Variants in CCDC33 observed in about 807,000 individuals in gnomAD.
CCDC33 encodes coiled-coil domain containing 33.
A neutral mutation model predicts 91.9 loss-of-function variants in CCDC33; 94 were observed. That is an observed-to-expected ratio of 1.02 (90% CI 0.87 to 1.21). CCDC33 has a LOEUF of 1.21. CCDC33 is among the 50% of genes most tolerant of loss of function. The probability of loss-of-function intolerance (pLI) is 0.00; values close to 1 mark genes in which losing one functional copy is unlikely to be tolerated. For synonymous variants in CCDC33, 396 were observed against 374.5 expected, an observed-to-expected ratio of 1.06 and a Z score of -0.66; for missense variants, 940 against 935.5, an observed-to-expected ratio of 1.00 and a Z score of -0.06.
chr15:74,217,628 C>G, intron 1 of CCDC33: 1 of 1,173,488 alleles, frequency 8.5e-7, no homozygotes. Context: ...CCCTGGAACT[C>G]CTGCCTGAGT....
At chr15:74,258,622 A>G (rs2075938833) in intron 2 of CCDC33, among the ~76,000 whole-genome samples, 1 of 152,022 alleles carries the variant, frequency 6.6e-6, no homozygotes, top group Non-Finnish European at 1.5e-5. Flanking sequence ...GTGTGCATGT[A>G]TGTGTGTGTG....
At position 74,228,873 on chromosome 15, in the gene CCDC33, G is replaced by A. The variant is rs74023452; in HGVS notation, c.675+10012G>A. ...ATGGCCTCAAATGAGATTAGGGCCAGAGGCTCTGCTCTCTGGTAGAGATGG... is the reference window on the plus strand; with the variant it reads ...ATGGCCTCAAATGAGATTAGGGCCAAAGGCTCTGCTCTCTGGTAGAGATGG... On this transcript the variant is annotated intron_variant, in intron 2 of 2. Coordinates refer to the CCDC33 transcript ENST00000635913. 2.5e-3 allele frequency among the ~76,000 whole-genome samples: 377 copies of A among 152,326 alleles called. 3 individuals carry two copies. The highest frequency in any genetic ancestry group is 8.8e-3 in the African/African-American group (367 of 41,562).
At chr15:74,260,343 A>C (rs1474285555) in intron 2 of CCDC33, among the ~76,000 whole-genome samples, 2 of 152,140 alleles carry the variant, frequency 1.3e-5, no homozygotes, top group East Asian at 3.9e-4. Context: ...CATTCTGCAG[A>C]GCCTGCAGGG....
At chr15:74,333,249 G>A (rs897577401) in intron 16 of CCDC33, 2 of 1,601,830 alleles carry the variant, frequency 1.2e-6, no homozygotes, top group African/African-American at 1.3e-5. Context: ...GGAGCAGGAG[G>A]AGACTTGACA....
At chr15:74,286,653 A>G (rs1383035736) in intron 10 of CCDC33, among the ~76,000 whole-genome samples, 1 of 151,902 alleles carries the variant, frequency 6.6e-6, no homozygotes, top group Non-Finnish European at 1.5e-5. Context: ...ATACAGCAAC[A>G]TTTCTCCTCT....
chr15:74,314,654 C>T (rs2060056657), intron 11 of CCDC33, among the ~76,000 whole-genome samples: 1 of 152,230 alleles, frequency 6.6e-6, no homozygotes, highest in East Asian at 1.9e-4. Flanking sequence ...GAGCCCTTTC[C>T]TGCAGACAGC....
intron 4 of CCDC33, 116 bp from the exon 5 acceptor site, chr15:74,268,226 G>A (rs954954081): frequency 1.1e-5 from 8 of 743,440 alleles, no homozygotes; most frequent in African/African-American, 8.6e-5. Flanking sequence ...TTATCAGCTC[G>A]GAGCCCCAGC....
chr15:74,204,479 C>T (rs2074210850), intron 1 of CCDC33, among the ~76,000 whole-genome samples: 1 of 152,236 alleles, frequency 6.6e-6, no homozygotes, highest in Non-Finnish European at 1.5e-5. Context: ...GCCAGCAAGC[C>T]CTTCCCTGCT....
chr15:74,330,767 TG>T lies in CCDC33; in HGVS notation c.1545+21del. ...GCTGATTCGAGTGAGCTGGGGCTTG[TG>T]GGGGCAGAGGGGAGGGAGCTATGGT... On this transcript the variant is annotated intron_variant, in intron 13 of 18. Coordinates refer to ENST00000398814, the MANE Select transcript of CCDC33 (RefSeq NM_025055.5). 2 of 1,589,762 alleles carry T rather than the reference TG, an allele frequency of 1.3e-6. No homozygotes were observed. Among genetic ancestry groups the T allele is most frequent in the Non-Finnish European group, 8.6e-7 (1 of 1,167,168 alleles).
intron 2 of CCDC33, among the ~76,000 whole-genome samples, chr15:74,255,550 T>A (rs190541290): frequency 7.9e-5 from 12 of 152,356 alleles, no homozygotes; most frequent in Admixed American, 7.8e-4. Context: ...CCTGTCGACT[T>A]CCCAGCGGTG....
chr15:74,275,109 G>A (rs1054615102), intron 7 of CCDC33, among the ~76,000 whole-genome samples: 3 of 152,148 alleles, frequency 2.0e-5, no homozygotes, highest in East Asian at 3.8e-4. Flanking sequence ...ACTTGAGGGG[G>A]TGGGATTGGA....
intron 7 of CCDC33, among the ~76,000 whole-genome samples, chr15:74,275,074 T>C (rs917665195): frequency 1.1e-4 from 16 of 152,206 alleles, no homozygotes; most frequent in Admixed American, 1.0e-3. Flanking sequence ...CTGTTCCCTT[T>C]GAGCGTCAGT....
In CCDC33 at chr15:74,335,924, G is replaced by A; in HGVS notation, c.2140-1G>A. On this transcript the variant is annotated splice_acceptor_variant, in intron 18 of 18. Coordinates refer to ENST00000398814, the MANE Select transcript of CCDC33 (RefSeq NM_025055.5). LOFTEE classifies it high-confidence loss of function. ...CACGCACCCCGCTTTGCACACCACA[G>A]AGTGCCCTCACCCACTCCATGGACC... 1.2e-6 allele frequency: 2 copies of A among 1,613,314 alleles called. No individual in the cohort carries two copies. The highest frequency in any genetic ancestry group is 1.7e-6 in the Non-Finnish European group (2 of 1,179,656).
intron 10 of CCDC33, among the ~76,000 whole-genome samples, chr15:74,294,387 T>TC (rs2059639568): frequency 6.6e-6 from 1 of 151,366 alleles, no homozygotes; most frequent in South Asian, 2.1e-4. Flanking sequence ...AAGTAACCCT[T>TC]CCCCAAAGGG....
At chr15:74,273,828 G>A (rs1390812266) in intron 7 of CCDC33, among the ~76,000 whole-genome samples, 2 of 59,444 alleles carry the variant, frequency 3.4e-5, no homozygotes, top group African/African-American at 1.2e-4. Flanking sequence ...AGGCAGTCTT[G>A]AATTTTTTTT....
chr15:74,275,244 T>C (rs1026870640), intron 7 of CCDC33, among the ~76,000 whole-genome samples: 7 of 152,260 alleles, frequency 4.6e-5, no homozygotes, highest in Non-Finnish European at 1.0e-4. Flanking sequence ...ACTGGCTGCA[T>C]GACCTTTGGT....
In CCDC33 at chr15:74,266,662, T is replaced by A; in HGVS notation, c.320-16T>A. 6.3e-7 allele frequency: 1 copy of A among 1,584,774 alleles called. No homozygotes were observed. Among genetic ancestry groups the A allele is most frequent in the Non-Finnish European group, 8.7e-7 (1 of 1,153,476 alleles). Reference sequence around the variant, plus strand: ...CCATTTAAAAATAAACCTGGGCTCATTTTTTCTCTTTCCAGATGTGATCCT... The same window carrying A: ...CCATTTAAAAATAAACCTGGGCTCAATTTTTCTCTTTCCAGATGTGATCCT... On this transcript the variant is annotated splice_polypyrimidine_tract_variant and intron_variant, in intron 3 of 18. Coordinates refer to ENST00000398814, the MANE Select transcript of CCDC33 (RefSeq NM_025055.5).
intron 2 of CCDC33, among the ~76,000 whole-genome samples, chr15:74,211,281 A>G (rs1051256789): frequency 6.6e-6 from 1 of 151,856 alleles, no homozygotes; most frequent in African/African-American, 2.4e-5. Context: ...GAAGGCCCCA[A>G]GTGTTGATTA....
At chr15:74,257,509 G>A (rs1375137813) in intron 2 of CCDC33, among the ~76,000 whole-genome samples, 1 of 152,194 alleles carries the variant, frequency 6.6e-6, no homozygotes, top group East Asian at 1.9e-4. Context: ...GTGAGGGCTG[G>A]GGCTCTTCCC....
Sources: gnomAD v4.1 joint callset for allele counts (sites outside exome capture counted in the v4.1 genomes callset) on GRCh38, gnomAD v4.1.1 for gene constraint, MANE v1.5 for transcripts, NCBI Gene and HGNC (gene_info 2026-07-23, HGNC 2026-07-21) for gene names.